Variants in ZNF723 observed in about 807,000 individuals in gnomAD.
ZNF723 encodes zinc finger protein 723.
A neutral mutation model predicts 9.4 loss-of-function variants in ZNF723; 5 were observed. The observed-to-expected ratio is 0.53, with a 90% CI of 0.28 to 1.12. The LOEUF (loss-of-function observed/expected upper bound fraction) is 1.12. ZNF723 is among the 50% of genes most tolerant of loss of function. The pLI is 0.10. For synonymous variants in ZNF723, 158 were observed against 168.8 expected (o/e 0.94, Z 0.49); for missense variants, 450 against 501.5 (o/e 0.90, Z 0.98).
chr19:22,813,742 AAAAC>A, the ZNF723 span, among the ~76,000 whole-genome samples: 645 of 152,154 alleles, frequency 4.2e-3, 3 homozygotes, highest in African/African-American at 0.014. Flanking sequence ...CTCCGTCTCA[AAAAC>A]AAACAAACAA....
intron 1 of ZNF723, among the ~76,000 whole-genome samples, chr19:22,834,416 G>C (rs34252284): frequency 6.6e-6 from 1 of 151,058 alleles, no homozygotes; most frequent in African/African-American, 2.4e-5. Context: ...GATCTTATGA[G>C]AACGTTTTGG....
At chr19:22,838,983 G>C (rs1280105824) in intron 1 of ZNF723, among the ~76,000 whole-genome samples, 1 of 152,092 alleles carries the variant, frequency 6.6e-6, no homozygotes, top group African/African-American at 2.4e-5. Context: ...CTTACCTTAG[G>C]TGATCTGCCC....
chr19:22,815,980 A>G, the ZNF723 span, among the ~76,000 whole-genome samples: 3 of 152,174 alleles, frequency 2.0e-5, no homozygotes, highest in African/African-American at 7.2e-5. Flanking sequence ...ACACCCAGCT[A>G]CAATTGGGAT....
In ZNF723 at chr19:22,857,459, A is replaced by G. The variant is rs1245759691; in HGVS notation, c.568A>G (p.Lys190Glu). The G allele has an allele frequency of 5.7e-6, 6 of 1,051,082 alleles. No individual in the cohort carries two copies. Among genetic ancestry groups the G allele is most frequent in the Non-Finnish European group, 8.9e-6 (6 of 674,158 alleles). 65.1% of individuals were successfully genotyped at this position (1,051,082 alleles called of 1,614,324 possible). A position where few individuals can be genotyped will look rare whatever the true frequency, so the allele number is the denominator to read the frequency against. ...ATTTTGCATGCTTTCACACCTAACTAAACATGAAAGAAATCATACTAGAGT... is the reference window on the plus strand; with the variant it reads ...ATTTTGCATGCTTTCACACCTAACTGAACATGAAAGAAATCATACTAGAGT... ...KSFCMLSHLT[K>E]HERNHTRVNC... Residue 190 changes from lysine (K) to glutamate (E), a missense_variant, in exon 4 of 4, where the codon AAA becomes GAA. Coordinates refer to ENST00000600766, the MANE Select transcript of ZNF723 (RefSeq NM_001349726.2).
the ZNF723 span, among the ~76,000 whole-genome samples, chr19:22,825,113 AG>A: frequency 6.6e-6 from 1 of 152,180 alleles, no homozygotes; most frequent in Non-Finnish European, 1.5e-5. Flanking sequence ...GATCACCTTG[AG>A]GTTCTGAATC....
chr19:22,833,152 TTC>T (rs1004515896), intron 1 of ZNF723, among the ~76,000 whole-genome samples: 1 of 152,094 alleles, frequency 6.6e-6, no homozygotes, highest in African/African-American at 2.4e-5. Context: ...CTTAACTATT[TTC>T]TTTTTTTTCT....
chr19:22,838,044 T>C (rs1967189695), intron 1 of ZNF723, among the ~76,000 whole-genome samples: 3 of 152,252 alleles, frequency 2.0e-5, no homozygotes, highest in Admixed American at 1.3e-4. Context: ...TATTTTTGTT[T>C]TAGGGGTACA....
chr19:22,827,117 G>C, the ZNF723 span, among the ~76,000 whole-genome samples: 29,942 of 152,184 alleles, frequency 0.2, 3,546 homozygotes, highest in African/African-American at 0.33. Context: ...AAATAGGGCT[G>C]TATAGCAGAT....
At chr19:22,814,103 C>T in the ZNF723 span, among the ~76,000 whole-genome samples, 5 of 152,148 alleles carry the variant, frequency 3.3e-5, no homozygotes, top group South Asian at 2.1e-4. Flanking sequence ...TAAGCCACCA[C>T]GCCCGGCCAG....
At chr19:22,854,493 G>A (rs888512363) in intron 3 of ZNF723, among the ~76,000 whole-genome samples, 3 of 133,018 alleles carry the variant, frequency 2.3e-5, no homozygotes, top group African/African-American at 7.7e-5. Flanking sequence ...AAAATTAATT[G>A]TATATATATT....
chr19:22,858,363 A>T lies in ZNF723; in HGVS notation c.1472A>T (p.Asn491Ile). Residue 491 changes from asparagine (N) to isoleucine (I), a missense_variant, in exon 4 of 4, where the codon AAC becomes ATC. Physicochemically the swap from Asn to Ile is moderately radical, Grantham distance 149. Around this residue, in one of 5 missense-constraint regions of ZNF723, gnomAD observed 43 missense variants for 22.2 expected, o/e 1.94. Transcript: ENST00000600766. Reference protein sequence around the residue: ...YKCEECGKAFNKSSILNRHKI... With the variant: ...YKCEECGKAFIKSSILNRHKI... ...TGTGAAGAATGTGGCAAAGCCTTTA[A>T]CAAGTCCTCAATTCTTAACAGACAT... The T allele has an allele frequency of 1.1e-6, 1 of 942,624 alleles. No individual in the cohort carries two copies. The allele number at this position is 942,624 out of a possible 1,614,324, so 58.4% of individuals were successfully genotyped here. A position where few individuals can be genotyped will look rare whatever the true frequency, so the allele number is the denominator to read the frequency against.
At chr19:22,835,601 CAG>C (rs910817579) in intron 1 of ZNF723, among the ~76,000 whole-genome samples, 1 of 151,972 alleles carries the variant, frequency 6.6e-6, no homozygotes, top group Non-Finnish European at 1.5e-5. Flanking sequence ...TAATTTCAAA[CAG>C]AATTCCAAGG....
chr19:22,832,881 G>C (rs367737446), intron 1 of ZNF723, among the ~76,000 whole-genome samples: 21 of 152,294 alleles, frequency 1.4e-4, no homozygotes, highest in Admixed American at 1.1e-3. Flanking sequence ...TTGAAGAAAA[G>C]ACTTTTATAA....
At chr19:22,837,499 G>A (rs1967181694) in intron 1 of ZNF723, among the ~76,000 whole-genome samples, 1 of 152,014 alleles carries the variant, frequency 6.6e-6, no homozygotes, top group Admixed American at 6.6e-5. Flanking sequence ...AAACAATTTG[G>A]TGCCAGAAAA....
chr19:22,817,614 T>C, the ZNF723 span, among the ~76,000 whole-genome samples: 2 of 152,104 alleles, frequency 1.3e-5, no homozygotes, highest in African/African-American at 4.8e-5. Context: ...GACATATCGC[T>C]AGCCCAAAAC....
the ZNF723 span, among the ~76,000 whole-genome samples, chr19:22,825,998 G>C: frequency 6.6e-6 from 1 of 152,170 alleles, no homozygotes; most frequent in African/African-American, 2.4e-5. Flanking sequence ...TTGCTCACAG[G>C]GGACATTTTG....
intron 1 of ZNF723, among the ~76,000 whole-genome samples, chr19:22,839,907 G>A (rs1967219164): frequency 1.3e-5 from 2 of 152,032 alleles, no homozygotes; most frequent in East Asian, 1.9e-4. Flanking sequence ...TTAGCCACAC[G>A]TATGCCTCCT....
At chr19:22,853,125 A>T (rs1213770177) in intron 3 of ZNF723, among the ~76,000 whole-genome samples, 1 of 152,014 alleles carries the variant, frequency 6.6e-6, no homozygotes, top group Non-Finnish European at 1.5e-5. Context: ...TCTTTATATA[A>T]CTATATATAT....
chr19:22,816,770 G>C, the ZNF723 span, among the ~76,000 whole-genome samples: 1 of 152,240 alleles, frequency 6.6e-6, no homozygotes, highest in South Asian at 2.1e-4. Flanking sequence ...CTATGTGACT[G>C]TCCTGCCTGT....
Sources: allele counts gnomAD v4.1 joint callset (sites outside exome capture counted in the v4.1 genomes callset), GRCh38; gene constraint gnomAD v4.1.1; regional missense constraint gnomAD v4.1.1; transcripts MANE v1.5; gene names NCBI Gene and HGNC (gene_info 2026-07-23, HGNC 2026-07-21).